PAK3: variants seen among roughly 807,000 people sequenced by gnomAD.
The protein encoded by PAK3 is serine/threonine-protein kinase PAK 3.
Under a neutral mutation model 41.0 loss-of-function variants are expected in PAK3, and 4 were observed. That is an observed-to-expected ratio of 0.10 (90% CI 0.05 to 0.22). The LOEUF (loss-of-function observed/expected upper bound fraction) is 0.22, where lower values mean the gene tolerates loss of function less well. Among genes scored for constraint, PAK3 ranks in the 10% least tolerant of loss-of-function variants. The probability of loss-of-function intolerance (pLI) is 1.00; values close to 1 mark genes in which losing one functional copy is unlikely to be tolerated. For missense variants in PAK3, 205 were observed against 409.9 expected (o/e 0.50, Z 4.32); for synonymous variants, 146 against 139.6 (o/e 1.05, Z -0.32).
intron 1 of PAK3, among the ~76,000 whole-genome samples, chrX:110,950,192 T>G (rs2090711832): frequency 8.9e-6 from 1 of 111,842 alleles, no homozygotes; most frequent in South Asian, 3.8e-4. Context: ...AGAGATATGA[T>G]GTAGAATGTT....
intron 11 of PAK3, among the ~76,000 whole-genome samples, chrX:111,186,773 A>G (rs1326532292): frequency 8.9e-6 from 1 of 112,274 alleles, no homozygotes; most frequent in Non-Finnish European, 1.9e-5. Flanking sequence ...TCACAGAATT[A>G]GAAAAACTAC....
At chrX:111,157,206 T>C (rs1002466131) in intron 8 of PAK3, among the ~76,000 whole-genome samples, 1 of 111,913 alleles carries the variant, frequency 8.9e-6, no homozygotes, top group Non-Finnish European at 1.9e-5. Flanking sequence ...ATCTACATTT[T>C]AAACAATCAC....
At chrX:110,987,359 T>C (rs2148663808) in intron 1 of PAK3, among the ~76,000 whole-genome samples, 1 of 112,202 alleles carries the variant, frequency 8.9e-6, no homozygotes, top group Non-Finnish European at 1.9e-5. Context: ...CTGAACTTGA[T>C]GGTAAATCCT....
At chrX:111,191,970 C>A (rs1488872310) in intron 11 of PAK3, among the ~76,000 whole-genome samples, 157 bp from the exon 12 acceptor site, 2 of 108,494 alleles carry the variant, frequency 1.8e-5, no homozygotes, top group Non-Finnish European at 3.8e-5. Context: ...TTTTTTTAAT[C>A]ACAATAATAA....
chrX:111,133,292 G>A (rs2208017), intron 5 of PAK3, among the ~76,000 whole-genome samples: 16,571 of 110,082 alleles, frequency 0.15, 2,571 homozygotes, highest in African/African-American at 0.47. Context: ...GTTCTTCCTC[G>A]TTGAGATGAC....
At chrX:111,061,987 T>A (rs193164924) in intron 1 of PAK3, among the ~76,000 whole-genome samples, 6 of 110,494 alleles carry the variant, frequency 5.4e-5, no homozygotes, top group Admixed American at 3.9e-4. Flanking sequence ...GTTAATTTTT[T>A]AAATTTTTTT....
rs1461325965 is a variant in PAK3, at chrX:111,167,809, C to T, written c.766+4082C>T. The stretch of plus-strand genomic sequence containing the variant: ...TGATAGGTGCAGCAAACCACCATGG[C>T]ACCTGTATATCTGTGTAACAAAACT... On this transcript the variant is annotated intron_variant, in intron 10 of 17. Coordinates refer to ENST00000372007, the MANE Select transcript of PAK3 (RefSeq NM_002578.5). Among the ~76,000 whole-genome samples the T allele has an allele frequency of 9.0e-5, 10 of 110,649 alleles. No individual in the cohort carries two copies. In the Admixed American group the frequency reaches 9.6e-4, roughly 11 times the overall value.
At chrX:111,152,679 C>T (rs1490183706) in intron 8 of PAK3, 1 of 303,134 alleles carries the variant, frequency 3.3e-6, no homozygotes, top group African/African-American at 2.7e-5. Context: ...AGTCCATCAC[C>T]CCAGTAAAAT....
chrX:111,019,193 T>A (rs1319265528), intron 1 of PAK3, among the ~76,000 whole-genome samples: 3 of 111,686 alleles, frequency 2.7e-5, no homozygotes, highest in African/African-American at 6.5e-5. Flanking sequence ...TGGCAATGAT[T>A]TATTGTATAT....
chrX:111,000,867 A>G (rs1355065319), intron 1 of PAK3, among the ~76,000 whole-genome samples: 1 of 111,978 alleles, frequency 8.9e-6, no homozygotes, highest in African/African-American at 3.3e-5. Context: ...CAATAAGTAA[A>G]ACAATCAGGA....
At chrX:111,048,983 C>T (rs746155131) in intron 1 of PAK3, among the ~76,000 whole-genome samples, 9 of 111,797 alleles carry the variant, frequency 8.1e-5, no homozygotes, top group Non-Finnish European at 3.8e-5. Flanking sequence ...TTTACAAGGG[C>T]CCTGCGGGAT....
chrX:110,978,333 T>TC (rs950516570), intron 1 of PAK3, among the ~76,000 whole-genome samples: 3 of 110,941 alleles, frequency 2.7e-5, no homozygotes, highest in Non-Finnish European at 3.8e-5. Context: ...TTTAAGGCAG[T>TC]CCCCCCCTCT....
intron 1 of PAK3, among the ~76,000 whole-genome samples, chrX:111,078,654 C>G (rs2092807643): frequency 9.0e-6 from 1 of 110,887 alleles, no homozygotes; most frequent in African/African-American, 3.3e-5. Context: ...AAAACAGTCT[C>G]TAAGCATTCA....
chrX:111,207,103 T>TATATAC (rs2094759219), intron 16 of PAK3, among the ~76,000 whole-genome samples: 1 of 105,955 alleles, frequency 9.4e-6, no homozygotes, highest in Admixed American at 1.0e-4. Flanking sequence ...TGTGTGTATA[T>TATATAC]ATATATACAT....
chrX:110,964,870 A>T (rs2091050135), intron 1 of PAK3, among the ~76,000 whole-genome samples: 1 of 110,863 alleles, frequency 9.0e-6, no homozygotes, highest in Non-Finnish European at 1.9e-5. Flanking sequence ...TGACTGACTG[A>T]CTGGCTGGCT....
intron 1 of PAK3, among the ~76,000 whole-genome samples, chrX:111,070,146 C>A (rs750283221): frequency 4.4e-4 from 49 of 111,723 alleles, no homozygotes; most frequent in African/African-American, 1.5e-3. Context: ...ACAACAACAA[C>A]AAAAAACAGA....
chrX:111,119,480 A>G (rs1373456871), intron 4 of PAK3, among the ~76,000 whole-genome samples: 1 of 112,155 alleles, frequency 8.9e-6, no homozygotes. Context: ...GAACAACAAC[A>G]GTTGAACTTT....
intron 1 of PAK3, among the ~76,000 whole-genome samples, chrX:110,999,875 C>T (rs1264317214): frequency 9.0e-6 from 1 of 110,537 alleles, no homozygotes; most frequent in South Asian, 3.9e-4. Flanking sequence ...TTGGGAGGCA[C>T]GAGAATCGCT....
At chrX:111,049,365 A>G in intron 1 of PAK3, among the ~76,000 whole-genome samples, 1 of 112,410 alleles carries the variant, frequency 8.9e-6, no homozygotes, top group East Asian at 2.8e-4. Context: ...TGTAAGCACC[A>G]TTAGAGCAGG....
Sources: allele counts gnomAD v4.1 joint callset (sites outside exome capture counted in the v4.1 genomes callset), GRCh38; gene constraint gnomAD v4.1.1; transcripts MANE v1.5; gene names NCBI Gene and HGNC (gene_info 2026-07-23, HGNC 2026-07-21).